Variants in GPM6B observed in about 807,000 individuals in gnomAD.
GPM6B encodes the protein glycoprotein M6B.
In GPM6B, 4 loss-of-function variants were observed where a neutral mutation model predicts 27.2. The ratio of observed to expected loss-of-function variants is 0.15; its 90% CI spans 0.07 to 0.34. GPM6B has a LOEUF of 0.34. Among genes scored for constraint, GPM6B ranks in the 10% least tolerant of loss-of-function variants. The pLI, the probability that GPM6B is intolerant of heterozygous loss-of-function variation, is 1.00. For synonymous variants in GPM6B, 124 were observed against 103.1 expected (o/e 1.20, Z -1.23); for missense variants, 183 against 261.9 (o/e 0.70, Z 2.08).
At chrX:13,847,438 C>T (rs892431989) in intron 1 of GPM6B, among the ~76,000 whole-genome samples, 1 of 112,239 alleles carries the variant, frequency 8.9e-6, no homozygotes, top group Non-Finnish European at 1.9e-5. Context: ...TCTAACATAA[C>T]ATTAATCCTA....
At chrX:13,924,255 G>A (rs1440830303) in intron 1 of GPM6B, among the ~76,000 whole-genome samples, 1 of 112,108 alleles carries the variant, frequency 8.9e-6, no homozygotes, top group Non-Finnish European at 1.9e-5. Flanking sequence ...TTAGCACTCA[G>A]TCTAATAAGT....
intron 7 of GPM6B, 196 bp downstream of exon 7, chrX:13,776,042 C>A: frequency 2.3e-6 from 1 of 429,933 alleles, no homozygotes. Flanking sequence ...ATTACATCAC[C>A]TACAATCAGT....
intron 1 of GPM6B, among the ~76,000 whole-genome samples, chrX:13,846,269 T>C (rs1403590759): frequency 9.0e-6 from 1 of 110,843 alleles, no homozygotes; most frequent in African/African-American, 3.3e-5. Flanking sequence ...CTAGGCTCAG[T>C]TGTCTACTTC....
chrX:13,866,769 G>T (rs1156881809), intron 1 of GPM6B, among the ~76,000 whole-genome samples: 2 of 112,009 alleles, frequency 1.8e-5, no homozygotes, highest in Non-Finnish European at 3.8e-5. Context: ...TATTCTAAAT[G>T]AATTTTAGCA....
At chrX:13,875,462 G>A (rs945193240) in intron 1 of GPM6B, among the ~76,000 whole-genome samples, 20 of 111,435 alleles carry the variant, frequency 1.8e-4, no homozygotes, top group Admixed American at 2.9e-4. Context: ...AAGGCCGCAC[G>A]GGTAGCTCCT....
At chrX:13,816,725 G>T in intron 1 of GPM6B, 119 bp downstream of exon 1, 1 of 868,505 alleles carries the variant, frequency 1.2e-6, no homozygotes, top group East Asian at 3.1e-5. Flanking sequence ...CTGAAAGCAA[G>T]ACCATGCCAT....
upstream of GPM6B, among the ~76,000 whole-genome samples, chrX:13,817,694 G>A (rs752258827): frequency 7.4e-4 from 83 of 111,934 alleles, no homozygotes; most frequent in African/African-American, 2.3e-3. Context: ...AATTAAAGAG[G>A]GGGAGAAAAT....
intron 1 of GPM6B, among the ~76,000 whole-genome samples, chrX:13,866,428 G>A (rs139618514): frequency 1.9e-3 from 209 of 112,013 alleles, no homozygotes; most frequent in Middle Eastern, 0.014. Flanking sequence ...AAGTTCTGGT[G>A]CTCTAATGCA....
At chrX:13,845,475 G>T (rs988898408) in intron 1 of GPM6B, among the ~76,000 whole-genome samples, 2 of 112,071 alleles carry the variant, frequency 1.8e-5, no homozygotes, top group African/African-American at 3.2e-5. Flanking sequence ...AATATACAGA[G>T]ATGATAGATT....
chrX:13,825,510 G>T (rs2049362138), intron 1 of GPM6B, among the ~76,000 whole-genome samples: 2 of 112,498 alleles, frequency 1.8e-5, no homozygotes, highest in Admixed American at 1.9e-4. Flanking sequence ...CCCTGTCACA[G>T]AGGAGGAGGG....
chrX:13,863,592 T>C (rs2049876602), intron 1 of GPM6B, among the ~76,000 whole-genome samples: 1 of 112,055 alleles, frequency 8.9e-6, no homozygotes, highest in East Asian at 2.8e-4. Context: ...CCAAGGCTCA[T>C]TATGAGAAAG....
At chrX:13,793,085 C>G (rs1028939289) in intron 2 of GPM6B, among the ~76,000 whole-genome samples, 1 of 109,351 alleles carries the variant, frequency 9.1e-6, no homozygotes, top group African/African-American at 3.3e-5. Flanking sequence ...GAAAAGCCAA[C>G]CAGCATTAAC....
At chrX:13,905,750 C>G (rs1036139855) in intron 1 of GPM6B, among the ~76,000 whole-genome samples, 1 of 111,643 alleles carries the variant, frequency 9.0e-6, no homozygotes, top group African/African-American at 3.3e-5. Context: ...TGCCTGCCTT[C>G]CCAGTTTCCT....
intron 1 of GPM6B, chrX:13,938,294 ACC>A (rs113660707): frequency 7.4e-6 from 2 of 269,543 alleles, no homozygotes; most frequent in East Asian, 5.3e-5. Flanking sequence ...AGCGGGGACC[ACC>A]CCCCCCACAG....
rs771942619 is a variant in GPM6B at position 13,874,266 on chromosome X, A to G, written c.-198+64061T>C. ...TAAGGAGAAAAATGTAACAACAAAAACTATATTGGGGAAAATTAACACAGC... is the reference window on the plus strand; with the variant it reads ...TAAGGAGAAAAATGTAACAACAAAAGCTATATTGGGGAAAATTAACACAGC... On this transcript the variant is annotated intron_variant, in intron 1 of 6. Transcript: ENST00000398361. Among the ~76,000 whole-genome samples, 4 of 111,701 alleles carry G rather than the reference A, an allele frequency of 3.6e-5. No homozygotes were observed. The South Asian group carries it at 1.5e-3, about 42-fold the overall frequency.
chrX:13,843,202 G>C (rs2147232016), intron 1 of GPM6B, among the ~76,000 whole-genome samples: 1 of 112,244 alleles, frequency 8.9e-6, no homozygotes, highest in East Asian at 2.8e-4. Flanking sequence ...ACATGGATAT[G>C]TAGTCCTTTG....
intron 1 of GPM6B, among the ~76,000 whole-genome samples, chrX:13,884,994 G>C (rs1044020044): frequency 1.8e-5 from 2 of 111,920 alleles, no homozygotes; most frequent in Non-Finnish European, 3.8e-5. Context: ...AAAAGGGGTA[G>C]AAAATAACAT....
At chrX:13,824,524 G>A (rs1385151817) in intron 1 of GPM6B, among the ~76,000 whole-genome samples, 2 of 111,752 alleles carry the variant, frequency 1.8e-5, no homozygotes, top group East Asian at 2.8e-4. Context: ...AGTGTGCTAC[G>A]ATGATGGTGA....
chrX:13,842,467 C>T (rs1439814468), intron 1 of GPM6B, among the ~76,000 whole-genome samples: 1 of 111,499 alleles, frequency 9.0e-6, no homozygotes, highest in Non-Finnish European at 1.9e-5. Flanking sequence ...CTCAATTTCC[C>T]CCTGTGGTTT....
Sources: gnomAD v4.1 joint callset for allele counts (sites outside exome capture counted in the v4.1 genomes callset) on GRCh38, gnomAD v4.1.1 for gene constraint, MANE v1.5 for transcripts, NCBI Gene and HGNC (gene_info 2026-07-23, HGNC 2026-07-21) for gene names.